The following RBFOX1 variants were observed in gnomAD, a reference collection of about 807,000 sequenced individuals.
The protein encoded by RBFOX1 is RNA binding protein fox-1 homolog 1.
In RBFOX1, 8 loss-of-function variants were observed where a neutral mutation model predicts 57.7. The ratio of observed to expected loss-of-function variants is 0.14; its 90% confidence interval spans 0.08 to 0.25. The LOEUF (loss-of-function observed/expected upper bound fraction) is 0.25. Ranked by LOEUF, RBFOX1 falls within the 10% of genes least tolerant of loss-of-function variation. The pLI, the probability that RBFOX1 is intolerant of heterozygous loss-of-function variation, is 1.00. For synonymous variants in RBFOX1, 326 were observed against 222.4 expected, an observed-to-expected ratio of 1.47 and a Z score of -4.15; for missense variants, 611 against 548.5, an observed-to-expected ratio of 1.11 and a Z score of -1.14.
chr16:7,405,597 G>A (rs1360731009), intron 4 of RBFOX1, among the ~76,000 whole-genome samples: 1 of 152,094 alleles, frequency 6.6e-6, no homozygotes, highest in Non-Finnish European at 1.5e-5. Context: ...ACACATTTTT[G>A]ATGTGCCTTT....
At chr16:6,650,768 T>C (rs765643402) in intron 2 of RBFOX1, among the ~76,000 whole-genome samples, 1 of 152,182 alleles carries the variant, frequency 6.6e-6, no homozygotes, top group Non-Finnish European at 1.5e-5. Flanking sequence ...TACTAATAAA[T>C]CACCAGCTTC....
At chr16:7,612,680 T>C (rs918029539) in intron 10 of RBFOX1, among the ~76,000 whole-genome samples, 1 of 152,158 alleles carries the variant, frequency 6.6e-6, no homozygotes, top group African/African-American at 2.4e-5. Context: ...AATGAAACTG[T>C]TGATTTACGG....
chr16:7,401,226 C>G (rs962303268), intron 4 of RBFOX1, among the ~76,000 whole-genome samples: 5 of 152,190 alleles, frequency 3.3e-5, no homozygotes, highest in African/African-American at 1.2e-4. Context: ...TAAAACCATT[C>G]TCTCTGTGAA....
intron 4 of RBFOX1, among the ~76,000 whole-genome samples, chr16:7,099,909 T>C (rs2062380888): frequency 6.6e-6 from 1 of 152,248 alleles, no homozygotes. Context: ...TAAATGTTTC[T>C]TATCAGACTT....
chr16:6,119,653 A>G (rs1282551980), intron 1 of RBFOX1, among the ~76,000 whole-genome samples: 3 of 152,164 alleles, frequency 2.0e-5, no homozygotes, highest in African/African-American at 4.8e-5. Context: ...AAGGTGAGCT[A>G]TAATCTAAAA....
At chr16:7,578,563 T>C (rs532576977) in intron 5 of RBFOX1, among the ~76,000 whole-genome samples, 3 of 152,324 alleles carry the variant, frequency 2.0e-5, no homozygotes, top group South Asian at 2.1e-4. Context: ...CTTTGTAAGA[T>C]TGTCTTCTCT....
intron 3 of RBFOX1, among the ~76,000 whole-genome samples, chr16:6,945,315 C>T (rs527576302): frequency 3.9e-5 from 6 of 152,120 alleles, no homozygotes; most frequent in East Asian, 1.9e-4. Context: ...GGGTCTCAAA[C>T]GCAGATGCTT....
intron 3 of RBFOX1, among the ~76,000 whole-genome samples, chr16:6,715,187 A>C (rs912895278): frequency 6.6e-6 from 1 of 152,160 alleles, no homozygotes; most frequent in African/African-American, 2.4e-5. Flanking sequence ...CTCATAATGA[A>C]TTTAAGGGCT....
At chr16:5,625,166 C>G (rs116439755) in intron 3 of RBFOX1, among the ~76,000 whole-genome samples, 2,869 of 152,232 alleles carry the variant, frequency 0.019, 87 homozygotes, top group African/African-American at 0.064. Flanking sequence ...TTAGTATTGT[C>G]ATTGGCTAGG....
At chr16:5,588,295 T>C (rs940948118) in intron 2 of RBFOX1, among the ~76,000 whole-genome samples, 1 of 152,044 alleles carries the variant, frequency 6.6e-6, no homozygotes, top group Non-Finnish European at 1.5e-5. Context: ...CACACACCTG[T>C]GAACATACTA....
chr16:5,654,769 C>T (rs1450265747), intron 3 of RBFOX1, among the ~76,000 whole-genome samples: 3 of 152,094 alleles, frequency 2.0e-5, no homozygotes, highest in African/African-American at 4.8e-5. Flanking sequence ...TCCCTTCCTC[C>T]TTCCTCCTTC....
intron 2 of RBFOX1, among the ~76,000 whole-genome samples, chr16:5,476,958 G>A (rs191684454): frequency 1.3e-5 from 2 of 152,280 alleles, no homozygotes; most frequent in Admixed American, 1.3e-4. Flanking sequence ...TGTAACTGAT[G>A]TTATCTGTAT....
intron 1 of RBFOX1, among the ~76,000 whole-genome samples, chr16:6,133,323 A>C (rs1466729847): frequency 6.6e-6 from 1 of 152,182 alleles, no homozygotes; most frequent in South Asian, 2.1e-4. Context: ...TCTCTCTAGC[A>C]TGTGGACTTC....
At chr16:5,407,142 G>T (rs1304530796) in intron 1 of RBFOX1, among the ~76,000 whole-genome samples, 1 of 152,164 alleles carries the variant, frequency 6.6e-6, no homozygotes, top group Non-Finnish European at 1.5e-5. Flanking sequence ...AGGCAAGAGA[G>T]AGACAGAGTG....
At chr16:6,397,003 C>G (rs1175253454) in intron 2 of RBFOX1, among the ~76,000 whole-genome samples, 1 of 152,014 alleles carries the variant, frequency 6.6e-6, no homozygotes, top group Non-Finnish European at 1.5e-5. Flanking sequence ...TAATGTATAT[C>G]ATTCAATTTG....
rs117027560 is a variant in RBFOX1 at position 6,072,468 on chromosome 16, G to C, written c.-127+52476G>C. ...CTTCATTTCTTTGTATATGTACCCA[G>C]AAGTCGGATTGCTGGATCACCTGGT... On this transcript the variant is annotated intron_variant, in intron 1 of 15. Coordinates refer to ENST00000550418, the MANE Select transcript of RBFOX1 (RefSeq NM_018723.4). 2.2e-3 allele frequency among the ~76,000 whole-genome samples: 336 copies of C among 152,286 alleles called. 1 individual carries two copies. Among genetic ancestry groups the C allele is most frequent in the Middle Eastern group, 0.014 (4 of 294 alleles).
chr16:6,477,970 T>C (rs1597814462), intron 2 of RBFOX1, among the ~76,000 whole-genome samples: 1 of 152,082 alleles, frequency 6.6e-6, no homozygotes, highest in Non-Finnish European at 1.5e-5. Context: ...TTGTCAGTTT[T>C]CCCACCTCTC....
intron 3 of RBFOX1, among the ~76,000 whole-genome samples, chr16:6,771,994 C>G (rs920863218): frequency 5.9e-5 from 9 of 152,134 alleles, no homozygotes; most frequent in African/African-American, 2.2e-4. Context: ...GGAAAGACTC[C>G]CTTCGGCTCT....
chr16:6,974,324 T>G (rs936863328), intron 3 of RBFOX1, among the ~76,000 whole-genome samples: 1 of 147,128 alleles, frequency 6.8e-6, no homozygotes, highest in South Asian at 2.1e-4. Context: ...TAAATCACAT[T>G]TTTTTCTTTT....
Sources: allele counts gnomAD v4.1 joint callset (sites outside exome capture counted in the v4.1 genomes callset), GRCh38; gene constraint gnomAD v4.1.1; transcripts MANE v1.5; gene names NCBI Gene and HGNC (gene_info 2026-07-23, HGNC 2026-07-21).